The following BCLAF1 variants were observed in gnomAD, a reference collection of about 807,000 sequenced individuals.
BCLAF1 encodes BCL2 associated transcription factor 1, also known as bcl-2-associated transcription factor 1.
Under a neutral mutation model 99.5 loss-of-function variants are expected in BCLAF1, and 10 were observed. The ratio of observed to expected loss-of-function variants is 0.10; its 90% CI spans 0.06 to 0.17. The LOEUF (loss-of-function observed/expected upper bound fraction) is 0.17. BCLAF1 is among the 10% of genes least tolerant of loss of function. The pLI is 1.00. For missense variants in BCLAF1, 636 were observed against 1,105.8 expected (o/e 0.58, Z 6.02); for synonymous variants, 255 against 370.9 (o/e 0.69, Z 3.59).
intron 4 of BCLAF1, among the ~76,000 whole-genome samples, chr6:136,277,504 G>A (rs1214888548): frequency 6.6e-6 from 1 of 150,960 alleles, no homozygotes; most frequent in Non-Finnish European, 1.5e-5. Flanking sequence ...GTAAAATTAA[G>A]AGGAGGGATA....
intron 11 of BCLAF1, among the ~76,000 whole-genome samples, chr6:136,262,664 G>A (rs1438470015): frequency 1.3e-5 from 2 of 151,974 alleles, no homozygotes; most frequent in African/African-American, 4.8e-5. Context: ...ATGAATTTTG[G>A]AACTATCAAA....
chr6:136,280,281 A>G (rs1204116852), intron 2 of BCLAF1, among the ~76,000 whole-genome samples: 2 of 152,228 alleles, frequency 1.3e-5, no homozygotes, highest in South Asian at 2.1e-4. Context: ...GAAATAAAAT[A>G]AAGTGTCACA....
At chr6:136,274,020 C>T in intron 6 of BCLAF1, 3 of 1,278,450 alleles carry the variant, frequency 2.3e-6, no homozygotes, top group Non-Finnish European at 3.1e-6. Context: ...ACGGCCACTA[C>T]AAGGGTAGTG....
chr6:136,285,903 G>C lies in BCLAF1; in HGVS notation c.-114-3216C>G, dbSNP rs185609331. Among the ~76,000 whole-genome samples, 269 of 152,184 alleles carry C rather than the reference G, an allele frequency of 1.8e-3. 3 individuals are homozygous for C. The highest frequency in any genetic ancestry group is 6.3e-3 in the African/African-American group (262 of 41,504). On this transcript the variant is annotated intron_variant, in intron 1 of 12. Transcript: ENST00000531224. The stretch of plus-strand genomic sequence containing the variant: ...TCCTGAGGTTAGGAGTTTGAGACCA[G>C]CCTGGCCAACATGGTGAAACCCCGT...
chr6:136,269,062 AT>A, intron 9 of BCLAF1: 1 of 1,049,534 alleles, frequency 9.5e-7, no homozygotes, highest in Non-Finnish European at 1.2e-6. Context: ...ACCACTAGAT[AT>A]CAGTTTAAAA....
intron 11 of BCLAF1, among the ~76,000 whole-genome samples, chr6:136,265,464 G>GT (rs1177811713): frequency 6.6e-6 from 1 of 152,072 alleles, no homozygotes; most frequent in East Asian, 1.9e-4. Flanking sequence ...TAGCCCCTTA[G>GT]TTCAGACACT....
rs771640196 is a variant in BCLAF1, at chr6:136,275,663, G to A, written c.1721C>T (p.Thr574Ile). 3.8e-5 allele frequency: 60 copies of A among 1,590,132 alleles called. No homozygotes were observed. Among genetic ancestry groups the A allele is most frequent in the Non-Finnish European group, 4.6e-5 (54 of 1,170,238 alleles). ...SLTKDRLLAS[T>I]LVHSVKKEQE... ...CTCCTTCTTGACAGAATGGACAAGTGTACTAGCAAGCAGCCTGTCTTTAGT... is the reference window on the plus strand; with the variant it reads ...CTCCTTCTTGACAGAATGGACAAGTATACTAGCAAGCAGCCTGTCTTTAGT... The change falls in exon 6 of 13, where the codon ACA becomes ATA. Residue 574 changes from threonine to isoleucine, a missense_variant. Coordinates refer to ENST00000531224, the MANE Select transcript of BCLAF1 (RefSeq NM_014739.3).
chr6:136,258,579 A>G lies in BCLAF1; in HGVS notation c.*2531T>C, dbSNP rs920154100. The G allele has an allele frequency of 1.3e-5, 2 of 152,536 alleles. No homozygotes were observed. Among genetic ancestry groups the G allele is most frequent in the Admixed American group, 6.5e-5 (1 of 15,274 alleles). 9.4% of individuals were successfully genotyped at this position (152,536 alleles called of 1,614,324 possible). On this transcript the variant is annotated 3_prime_UTR_variant, in exon 13 of 13. Transcript: ENST00000531224. ...TGAAATAGACACAGGTAAACAAACA[A>G]CAGCAGTTATTACTTGTGACATTTT...
At position 136,286,409 on chromosome 6, in the gene BCLAF1, T is replaced by TTTG. The variant is rs747245388; in HGVS notation, c.-115+3301_-115+3303dup. ...CAGCTTCAAATTCTGCAGGTGTTTT[T>TTTG]TTGTTGTTGTTGTTTTAAAGACTAC... On this transcript the variant is annotated intron_variant, in intron 1 of 12. Transcript: ENST00000531224. 3.9e-5 allele frequency among the ~76,000 whole-genome samples: 6 copies of TTTG among 152,316 alleles called. No homozygotes were observed. The East Asian group carries it at 1.2e-3, about 29-fold the overall frequency.
chr6:136,268,354 A>C lies in BCLAF1; in HGVS notation c.2220-15T>G. On this transcript the variant is annotated splice_polypyrimidine_tract_variant and intron_variant, in intron 9 of 12. Transcript: ENST00000531224. ...TTTTATGTTTACTGCAAAATAAAGA[A>C]AACAAAAAATGTGATACTTTTAAAA... 3 of 1,580,888 alleles carry C rather than the reference A, an allele frequency of 1.9e-6. No homozygotes were observed. Among genetic ancestry groups the C allele is most frequent in the Non-Finnish European group, 2.6e-6 (3 of 1,166,630 alleles).
chr6:136,283,061 G>C (rs1411261710), intron 1 of BCLAF1, among the ~76,000 whole-genome samples: 1 of 151,608 alleles, frequency 6.6e-6, no homozygotes, highest in East Asian at 1.9e-4. Context: ...TACTTGGGAG[G>C]CTGATGCAGA....
intron 1 of BCLAF1, among the ~76,000 whole-genome samples, chr6:136,284,762 T>C (rs1172144057): frequency 4.6e-5 from 7 of 152,052 alleles, no homozygotes; most frequent in African/African-American, 1.7e-4. Context: ...CTCCCTACTC[T>C]CTTGAAGCTT....
chr6:136,267,194 G>A lies in BCLAF1; in HGVS notation c.2398-19C>T, dbSNP rs1781827217. On this transcript the variant is annotated intron_variant, in intron 10 of 12. Coordinates refer to ENST00000531224, the MANE Select transcript of BCLAF1 (RefSeq NM_014739.3). ...TTCGAAACTGATTAACATTAACAAA[G>A]TTGTTTAGTGATGCAATCAAAAGGT... 1 of 1,609,362 alleles carries A rather than the reference G, an allele frequency of 6.2e-7. No individual in the cohort carries two copies. The highest frequency in any genetic ancestry group is 1.7e-5 in the Admixed American group (1 of 59,606).
intron 6 of BCLAF1, 28 bp downstream of exon 6, chr6:136,275,504 T>G: frequency 6.9e-7 from 1 of 1,459,822 alleles, no homozygotes; most frequent in Admixed American, 2.6e-5. Context: ...AGAAATTTAA[T>G]TCACGATACT....
intron 2 of BCLAF1, among the ~76,000 whole-genome samples, chr6:136,280,749 C>G (rs718186): frequency 4.4e-4 from 67 of 152,200 alleles, no homozygotes; most frequent in African/African-American, 1.5e-3. Flanking sequence ...AAAAAACATA[C>G]ACATATAGCA....
rs1780777368 is a variant in BCLAF1 at position 136,260,064 on chromosome 6, A to G, written c.*1046T>C. 1 of 152,046 alleles carries G rather than the reference A, an allele frequency of 6.6e-6. No homozygotes were observed. Among genetic ancestry groups the G allele is most frequent in the Non-Finnish European group, 1.5e-5 (1 of 67,912 alleles). The allele number at this position is 152,046 out of a possible 1,614,324, so 9.4% of individuals were successfully genotyped here. On this transcript the variant is annotated 3_prime_UTR_variant, in exon 13 of 13. Transcript: ENST00000531224. ...CAACAAGCTTCCTGCCAAAACTTTT[A>G]TTGGTGACATTTGAAAAACAATTTT...
chr6:136,266,384 T>C lies in BCLAF1; in HGVS notation c.2544+645A>G, dbSNP rs753309523. Among the ~76,000 whole-genome samples the C allele has an allele frequency of 8.7e-4, 133 of 152,220 alleles. No individual in the cohort carries two copies. In the Middle Eastern group the frequency reaches 0.01, roughly 12 times the overall value. ...GGTATATTCTTGTCCACCTCTATAA[T>C]GCAGGAGAGACCCTTTTCCCCATGC... On this transcript the variant is annotated intron_variant, in intron 11 of 12. Coordinates refer to ENST00000531224, the MANE Select transcript of BCLAF1 (RefSeq NM_014739.3).
intron 1 of BCLAF1, among the ~76,000 whole-genome samples, chr6:136,288,945 A>G (rs1785545975): frequency 6.6e-6 from 1 of 152,178 alleles, no homozygotes; most frequent in Admixed American, 6.5e-5. Context: ...CACGCTCAGA[A>G]CCACCAGCTA....
In BCLAF1 at chr6:136,278,255, G is replaced by A; in HGVS notation, c.626C>T (p.Ser209Phe). 1 of 1,316,046 alleles carries A rather than the reference G, an allele frequency of 7.6e-7. No individual in the cohort carries two copies. Among genetic ancestry groups the A allele is most frequent in the Non-Finnish European group, 1.0e-6 (1 of 966,726 alleles). 81.5% of individuals were successfully genotyped at this position (1,316,046 alleles called of 1,614,324 possible). Residue 209 changes from serine to phenylalanine, a missense_variant, in exon 4 of 13, where the codon TCC becomes TTC. Ser to Phe is a radical substitution (Grantham distance 155, BLOSUM62 -2). Transcript: ENST00000531224. ...TGAAAGGCCAGGCCAAATATCACCGGATGTGGCTGATGACTTATTAAATTC... is the reference window on the plus strand; with the variant it reads ...TGAAAGGCCAGGCCAAATATCACCGAATGTGGCTGATGACTTATTAAATTC... The part of the protein sequence containing the change: ...IDEFNKSSAT[S>F]GDIWPGLSAY...
Sources: gnomAD v4.1 joint callset for allele counts (sites outside exome capture counted in the v4.1 genomes callset) on GRCh38, gnomAD v4.1.1 for gene constraint, MANE v1.5 for transcripts, NCBI Gene and HGNC (gene_info 2026-07-23, HGNC 2026-07-21) for gene names.